The following DLGAP1 variants were observed in gnomAD, a reference collection of about 807,000 sequenced individuals.
DLGAP1 encodes the protein disks large-associated protein 1.
Under a neutral mutation model 90.8 loss-of-function variants are expected in DLGAP1, and 11 were observed. The observed-to-expected ratio is 0.12, with a 90% CI of 0.08 to 0.20. DLGAP1 has a LOEUF of 0.20. Ranked by LOEUF, DLGAP1 falls within the 10% of genes least tolerant of loss-of-function variation. DLGAP1 has a pLI of 1.00. For synonymous variants in DLGAP1, 558 were observed against 540.7 expected (o/e 1.03, Z -0.44); for missense variants, 1,050 against 1,333.8 (o/e 0.79, Z 3.31).
At chr18:3,817,983 AT>A (rs1472709097) in intron 4 of DLGAP1, among the ~76,000 whole-genome samples, 3 of 152,174 alleles carry the variant, frequency 2.0e-5, no homozygotes, top group African/African-American at 4.8e-5. Context: ...GTCCTCATTG[AT>A]TTCAGGCTGG....
At chr18:4,229,931 A>G (rs1413464855) in intron 1 of DLGAP1, among the ~76,000 whole-genome samples, 1 of 152,106 alleles carries the variant, frequency 6.6e-6, no homozygotes, top group African/African-American at 2.4e-5. Context: ...GAGCTCAAAC[A>G]ACTCCATAGG....
chr18:3,948,482 T>C (rs1472510441), intron 3 of DLGAP1, among the ~76,000 whole-genome samples: 1 of 152,182 alleles, frequency 6.6e-6, no homozygotes, highest in Non-Finnish European at 1.5e-5. Context: ...CCTGCCTCTC[T>C]CCAGCACTGC....
At chr18:3,632,805 G>C (rs980968337) in intron 7 of DLGAP1, among the ~76,000 whole-genome samples, 10 of 152,026 alleles carry the variant, frequency 6.6e-5, no homozygotes, top group African/African-American at 2.2e-4. Flanking sequence ...TTCATGGCTT[G>C]AAGTTTTTTG....
chr18:3,955,572 G>A (rs956810642), intron 3 of DLGAP1, among the ~76,000 whole-genome samples: 5 of 152,128 alleles, frequency 3.3e-5, no homozygotes, highest in Non-Finnish European at 4.4e-5. Context: ...AAATCAGCCG[G>A]ATGTGGTGGT....
intron 5 of DLGAP1, among the ~76,000 whole-genome samples, chr18:3,796,965 C>T (rs1315966652): frequency 6.6e-6 from 1 of 152,074 alleles, no homozygotes; most frequent in Non-Finnish European, 1.5e-5. Flanking sequence ...GGAGATGGGG[C>T]CTTTGGGAGG....
intron 1 of DLGAP1, among the ~76,000 whole-genome samples, chr18:4,436,520 C>G (rs1351280855): frequency 6.6e-6 from 1 of 151,924 alleles, no homozygotes; most frequent in Admixed American, 6.6e-5. Flanking sequence ...CGGTTCTTAT[C>G]CCTAAATGGA....
chr18:3,954,319 C>T (rs1488875600), intron 3 of DLGAP1, among the ~76,000 whole-genome samples: 14 of 151,800 alleles, frequency 9.2e-5, no homozygotes, highest in Admixed American at 9.2e-4. Flanking sequence ...AATAAAAGGC[C>T]CCACAGGGAT....
chr18:3,991,672 G>A (rs972940653), intron 3 of DLGAP1, among the ~76,000 whole-genome samples: 3 of 152,112 alleles, frequency 2.0e-5, no homozygotes, highest in Admixed American at 6.6e-5. Context: ...CTGAGACAGT[G>A]GAAAATACAC....
At chr18:3,963,161 C>T (rs1189829057) in intron 3 of DLGAP1, among the ~76,000 whole-genome samples, 1 of 152,134 alleles carries the variant, frequency 6.6e-6, no homozygotes, top group African/African-American at 2.4e-5. Context: ...TTTTCCTTAA[C>T]TGGAACATAG....
chr18:3,536,754 A>G (rs552772702), intron 9 of DLGAP1, among the ~76,000 whole-genome samples: 14 of 152,280 alleles, frequency 9.2e-5, no homozygotes, highest in Non-Finnish European at 1.6e-4. Context: ...AGCATTTTAC[A>G]TGGATGTCCA....
At chr18:3,611,216 G>C (rs1014719419) in intron 7 of DLGAP1, among the ~76,000 whole-genome samples, 4 of 151,948 alleles carry the variant, frequency 2.6e-5, no homozygotes, top group African/African-American at 9.7e-5. Flanking sequence ...GCTTCAGGGG[G>C]AAAATGTAAA....
chr18:3,665,973 C>G (rs1192047465), intron 7 of DLGAP1, among the ~76,000 whole-genome samples: 1 of 152,108 alleles, frequency 6.6e-6, no homozygotes, highest in Non-Finnish European at 1.5e-5. Context: ...TGGCGGCTGC[C>G]GAGCTGGAAA....
chr18:3,656,196 G>T, intron 7 of DLGAP1: 2 of 1,199,400 alleles, frequency 1.7e-6, no homozygotes, highest in Non-Finnish European at 2.3e-6. Flanking sequence ...GCATGCTTCA[G>T]ATTTGGATTT....
intron 3 of DLGAP1, among the ~76,000 whole-genome samples, chr18:3,913,288 C>T (rs990344126): frequency 2.6e-5 from 4 of 152,022 alleles, no homozygotes; most frequent in Non-Finnish European, 5.9e-5. Context: ...GAGGGGGTCT[C>T]ACTTTGTTCA....
intron 2 of DLGAP1, among the ~76,000 whole-genome samples, chr18:4,100,866 T>C (rs957922963): frequency 6.6e-6 from 1 of 152,258 alleles, no homozygotes; most frequent in African/African-American, 2.4e-5. Context: ...CTTCTGCATC[T>C]TTCTCATCTC....
At chr18:4,371,244 T>TA (rs1224077560) in intron 1 of DLGAP1, among the ~76,000 whole-genome samples, 1 of 152,292 alleles carries the variant, frequency 6.6e-6, no homozygotes, top group East Asian at 1.9e-4. Context: ...AATAAATAAA[T>TA]ACATGATTAC....
rs534945837 is a variant in DLGAP1 at position 3,716,965 on chromosome 18, T to C, written c.1591+12170A>G. 1.5e-3 allele frequency among the ~76,000 whole-genome samples: 221 copies of C among 150,672 alleles called. 2 individuals are homozygous for C. The Middle Eastern group carries it at 0.021, about 15-fold the overall frequency. ...GCAACATAGAGAGGTGCCGTCTCTATAAAAATTTAAAAATTTTTTTAGAGA... is the reference window on the plus strand; with the variant it reads ...GCAACATAGAGAGGTGCCGTCTCTACAAAAATTTAAAAATTTTTTTAGAGA... On this transcript the variant is annotated intron_variant, in intron 7 of 12. Transcript: ENST00000315677.
intron 7 of DLGAP1, among the ~76,000 whole-genome samples, chr18:3,583,708 G>A (rs2055707882): frequency 1.3e-5 from 2 of 152,216 alleles, no homozygotes; most frequent in African/African-American, 4.8e-5. Flanking sequence ...AGCACTTTGG[G>A]AGGCCCAGGC....
At chr18:3,803,027 G>A (rs1054239876) in intron 5 of DLGAP1, among the ~76,000 whole-genome samples, 3 of 152,172 alleles carry the variant, frequency 2.0e-5, no homozygotes, top group Non-Finnish European at 4.4e-5. Context: ...AGTGGTAAAT[G>A]TTTAGAAACT....
Sources: gnomAD v4.1 joint callset for allele counts (sites outside exome capture counted in the v4.1 genomes callset) on GRCh38, gnomAD v4.1.1 for gene constraint, MANE v1.5 for transcripts, NCBI Gene and HGNC (gene_info 2026-07-23, HGNC 2026-07-21) for gene names.